The following ADAM20 variants were observed in gnomAD, a reference collection of about 807,000 sequenced individuals.
ADAM20 encodes disintegrin and metalloproteinase domain-containing protein 20.
For synonymous variants in ADAM20, 305 were observed against 310.2 expected, an observed-to-expected ratio of 0.98 and a Z score of 0.18; for missense variants, 871 against 883.2, an observed-to-expected ratio of 0.99 and a Z score of 0.18.
chr14:70,543,050 A>T, the ADAM20 span, among the ~76,000 whole-genome samples: 2 of 152,230 alleles, frequency 1.3e-5, no homozygotes, highest in African/African-American at 4.8e-5. Context: ...TTCTTTTAAT[A>T]AAAATGGGAA....
chr14:70,524,724 C>A lies in ADAM20; in HGVS notation c.34G>T (p.Val12Phe). The A allele has an allele frequency of 1.9e-6, 3 of 1,613,938 alleles. No homozygotes were observed. The highest frequency in any genetic ancestry group is 2.5e-6 in the Non-Finnish European group (3 of 1,179,924). ...CCAAACCAGAGCAGCAGAAGAGTGA[C>A]CCTGATGTGCACCAGGGGCTCACCC... ...AVGEPLVHIR[V>F]TLLLLWFGMF... The change falls in exon 2 of 2, where the codon GTC (valine) becomes TTC (phenylalanine). Residue 12 changes from valine (V) to phenylalanine (F), a missense_variant. Val to Phe is a conservative substitution (Grantham distance 50, BLOSUM62 -1). Coordinates refer to ENST00000256389, the MANE Select transcript of ADAM20 (RefSeq NM_003814.5).
chr14:70,528,495 G>T (rs1883639564), intron 1 of ADAM20, among the ~76,000 whole-genome samples: 1 of 152,126 alleles, frequency 6.6e-6, no homozygotes, highest in Admixed American at 6.6e-5. Flanking sequence ...TGGATACATA[G>T]GTTTCCCCTA....
the ADAM20 span, among the ~76,000 whole-genome samples, chr14:70,578,828 C>T: frequency 1.4e-4 from 21 of 152,124 alleles, no homozygotes; most frequent in South Asian, 1.0e-3. Context: ...AGTTTTTCAA[C>T]GCTTGCCCCC....
At chr14:70,563,901 C>A in the ADAM20 span, among the ~76,000 whole-genome samples, 1 of 152,200 alleles carries the variant, frequency 6.6e-6, no homozygotes, top group Non-Finnish European at 1.5e-5. Flanking sequence ...TCAGGTATTT[C>A]TTTATAGCAA....
the ADAM20 span, among the ~76,000 whole-genome samples, chr14:70,567,896 T>C: frequency 2.4e-3 from 366 of 152,232 alleles, no homozygotes; most frequent in Non-Finnish European, 4.6e-3. Flanking sequence ...GATAAGGACC[T>C]GGTGCACCTC....
chr14:70,565,901 G>A, the ADAM20 span, among the ~76,000 whole-genome samples: 4 of 151,876 alleles, frequency 2.6e-5, no homozygotes, highest in African/African-American at 9.7e-5. Context: ...CACAGGTACC[G>A]GGGGATCACT....
chr14:70,522,734 C>T lies in ADAM20; in HGVS notation c.2024G>A (p.Gly675Asp), dbSNP rs999998694. The T allele has an allele frequency of 2.5e-6, 4 of 1,613,872 alleles. No individual in the cohort carries two copies. The African/African-American group carries it at 4.0e-5, about 16-fold the overall frequency. Residue 675 changes from glycine (G) to aspartate (D), a missense_variant, in exon 2 of 2, where the codon GGC becomes GAC. By Grantham distance (94) the Gly-to-Asp change is moderately conservative. Transcript: ENST00000256389. ...DKGYGGSADS[G>D]PPPKNNMEGL... Reference sequence around the variant, plus strand: ...TTCCATGTTGTTCTTAGGAGGTGGGCCACTATCAGCACTACCTCCATAGCC... The same window carrying T: ...TTCCATGTTGTTCTTAGGAGGTGGGTCACTATCAGCACTACCTCCATAGCC...
At chr14:70,571,736 G>A in the ADAM20 span, among the ~76,000 whole-genome samples, 3 of 152,082 alleles carry the variant, frequency 2.0e-5, no homozygotes, top group East Asian at 3.9e-4. Flanking sequence ...CCTAGAAAAC[G>A]TTAAAGATTC....
the ADAM20 span, among the ~76,000 whole-genome samples, chr14:70,559,073 T>C: frequency 6.6e-6 from 1 of 152,202 alleles, no homozygotes; most frequent in African/African-American, 2.4e-5. Context: ...GTATATCTCC[T>C]GCCTGGGACT....
the ADAM20 span, among the ~76,000 whole-genome samples, chr14:70,544,639 A>C: frequency 6.6e-6 from 1 of 152,186 alleles, no homozygotes; most frequent in African/African-American, 2.4e-5. Context: ...AAAATAATTC[A>C]TTACACAGTA....
the ADAM20 span, among the ~76,000 whole-genome samples, chr14:70,543,469 A>G: frequency 1.3e-5 from 2 of 152,224 alleles, no homozygotes; most frequent in South Asian, 4.1e-4. Context: ...TTGGGTGAGA[A>G]ATGTTGTTTC....
chr14:70,544,215 A>G, the ADAM20 span, among the ~76,000 whole-genome samples: 1 of 152,222 alleles, frequency 6.6e-6, no homozygotes, highest in East Asian at 1.9e-4. Flanking sequence ...CTTAGTCTGT[A>G]AGAGAGAGCA....
intron 1 of ADAM20, among the ~76,000 whole-genome samples, chr14:70,526,117 T>C (rs1034293425): frequency 2.0e-5 from 3 of 152,220 alleles, no homozygotes; most frequent in Non-Finnish European, 4.4e-5. Context: ...CTCATTACTG[T>C]TGAAAACAAA....
chr14:70,534,516 T>C (rs181219136), intron 1 of ADAM20, among the ~76,000 whole-genome samples: 22 of 152,310 alleles, frequency 1.4e-4, no homozygotes, highest in Admixed American at 1.0e-3. Context: ...TGTCATATGC[T>C]ACACCATGGA....
chr14:70,561,016 A>G, the ADAM20 span, among the ~76,000 whole-genome samples: 1 of 152,206 alleles, frequency 6.6e-6, no homozygotes, highest in African/African-American at 2.4e-5. Context: ...AACAGTTTGG[A>G]GGGCTCAGAA....
At chr14:70,530,305 G>T (rs919711927) in intron 1 of ADAM20, among the ~76,000 whole-genome samples, 2 of 152,146 alleles carry the variant, frequency 1.3e-5, no homozygotes, top group South Asian at 4.2e-4. Flanking sequence ...CATTGGAAGG[G>T]GCAATAGCAT....
chr14:70,553,641 C>T, the ADAM20 span, among the ~76,000 whole-genome samples: 7 of 150,148 alleles, frequency 4.7e-5, no homozygotes, highest in African/African-American at 1.7e-4. Flanking sequence ...TCAACATATG[C>T]AAATCAATCA....
rs747464417 is a variant in ADAM20 at position 70,522,717 on chromosome 14, T to A, written c.2041A>T (p.Asn681Tyr). The change falls in exon 2 of 2, where the codon AAC becomes TAC. Residue 681 changes from asparagine (N) to tyrosine (Y), a missense_variant. Coordinates refer to ENST00000256389, the MANE Select transcript of ADAM20 (RefSeq NM_003814.5). ...CCCATCACATTTAATCCTTCCATGT[T>A]GTTCTTAGGAGGTGGGCCACTATCA... ...SADSGPPPKN[N>Y]MEGLNVMGKL... 8 of 1,613,998 alleles carry A rather than the reference T, an allele frequency of 5.0e-6. No homozygotes were observed. Among genetic ancestry groups the A allele is most frequent in the Non-Finnish European group, 6.8e-6 (8 of 1,179,924 alleles).
the ADAM20 span, among the ~76,000 whole-genome samples, chr14:70,541,465 G>C: frequency 1.3e-5 from 2 of 152,082 alleles, no homozygotes. Flanking sequence ...AGCATTAAAA[G>C]CACAATGGGT....
Sources: allele counts gnomAD v4.1 joint callset (sites outside exome capture counted in the v4.1 genomes callset), GRCh38; gene constraint gnomAD v4.1.1; transcripts MANE v1.5; gene names NCBI Gene and HGNC (gene_info 2026-07-23, HGNC 2026-07-21).